GRID1: variants seen among roughly 807,000 people sequenced by gnomAD.
The protein encoded by GRID1 is glutamate receptor ionotropic, delta-1.
A neutral mutation model predicts 98.0 loss-of-function variants in GRID1; 28 were observed. The observed-to-expected ratio is 0.29, with a 90% confidence interval of 0.21 to 0.39. The LOEUF is 0.39. Among genes scored for constraint, GRID1 ranks in the 10% least tolerant of loss-of-function variants. GRID1 has a pLI of 1.00. For synonymous variants in GRID1, 553 were observed against 538.5 expected, an observed-to-expected ratio of 1.03 and a Z score of -0.37; for missense variants, 1,111 against 1,340.5, an observed-to-expected ratio of 0.83 and a Z score of 2.67.
intron 12 of GRID1, among the ~76,000 whole-genome samples, chr10:85,674,236 T>C (rs1034262169): frequency 2.0e-5 from 3 of 152,198 alleles, no homozygotes; most frequent in Admixed American, 2.0e-4. Flanking sequence ...AGCTGTGGGC[T>C]CATATGTTCT....
At chr10:86,356,549 C>T (rs1482403844) in intron 2 of GRID1, among the ~76,000 whole-genome samples, 1 of 152,226 alleles carries the variant, frequency 6.6e-6, no homozygotes. Context: ...CTCTCTTTCC[C>T]TCTGGCACAG....
At chr10:85,682,500 G>A (rs1229648592) in intron 12 of GRID1, among the ~76,000 whole-genome samples, 2 of 152,166 alleles carry the variant, frequency 1.3e-5, no homozygotes, top group African/African-American at 4.8e-5. Flanking sequence ...TCCCACCATA[G>A]ACAACTTTAC....
chr10:85,754,787 C>T (rs147237817), intron 8 of GRID1, among the ~76,000 whole-genome samples: 113 of 152,300 alleles, frequency 7.4e-4, no homozygotes, highest in African/African-American at 2.7e-3. Context: ...CCTCCCCTTG[C>T]AGACTGTGTG....
chr10:86,235,936 G>A (rs1846531143), intron 2 of GRID1, among the ~76,000 whole-genome samples: 1 of 152,222 alleles, frequency 6.6e-6, no homozygotes, highest in African/African-American at 2.4e-5. Flanking sequence ...ATGATATGGT[G>A]AAGTATATGT....
At chr10:86,058,609 C>A (rs1472100986) in intron 4 of GRID1, among the ~76,000 whole-genome samples, 1 of 152,178 alleles carries the variant, frequency 6.6e-6, no homozygotes, top group Non-Finnish European at 1.5e-5. Flanking sequence ...CAGATCTGTG[C>A]AAAATGACAG....
At chr10:85,828,476 A>C (rs1842839509) in intron 8 of GRID1, among the ~76,000 whole-genome samples, 1 of 152,148 alleles carries the variant, frequency 6.6e-6, no homozygotes, top group African/African-American at 2.4e-5. Context: ...AGATGTGAAA[A>C]ACCATACAGA....
chr10:85,704,919 A>G (rs1200290392), intron 12 of GRID1, among the ~76,000 whole-genome samples: 1 of 152,238 alleles, frequency 6.6e-6, no homozygotes, highest in African/African-American at 2.4e-5. Flanking sequence ...CTTTGAAACC[A>G]GTGAGAACAA....
intron 5 of GRID1, among the ~76,000 whole-genome samples, chr10:85,884,995 T>C (rs938611785): frequency 2.6e-5 from 4 of 152,184 alleles, no homozygotes; most frequent in African/African-American, 9.6e-5. Flanking sequence ...TATTGCCTTA[T>C]ACCATACTTA....
chr10:85,627,336 C>T (rs1282496647), intron 13 of GRID1, among the ~76,000 whole-genome samples: 1 of 152,162 alleles, frequency 6.6e-6, no homozygotes, highest in Admixed American at 6.5e-5. Flanking sequence ...GATTAAATTC[C>T]TCAATATGTG....
At chr10:85,718,649 A>G (rs1455542452) in intron 12 of GRID1, among the ~76,000 whole-genome samples, 1 of 152,136 alleles carries the variant, frequency 6.6e-6, no homozygotes, top group Non-Finnish European at 1.5e-5. Flanking sequence ...CCATGGTGGG[A>G]GCATTTGGGA....
At chr10:85,625,103 T>C (rs1007911761) in intron 13 of GRID1, among the ~76,000 whole-genome samples, 1 of 152,254 alleles carries the variant, frequency 6.6e-6, no homozygotes, top group Non-Finnish European at 1.5e-5. Flanking sequence ...TGTGTGTACA[T>C]GTGAAATGTA....
intron 4 of GRID1, among the ~76,000 whole-genome samples, chr10:86,089,229 G>T (rs114308526): frequency 2.9e-4 from 44 of 152,298 alleles, no homozygotes; most frequent in African/African-American, 1.1e-3. Context: ...GGCCATCTGG[G>T]GAGCAGTAAC....
chr10:86,240,083 T>C (rs1846603085), intron 2 of GRID1, among the ~76,000 whole-genome samples: 1 of 152,168 alleles, frequency 6.6e-6, no homozygotes, highest in Admixed American at 6.5e-5. Flanking sequence ...TGCCAACACA[T>C]TGATCTTATA....
At chr10:86,172,403 C>T (rs1375408671) in intron 3 of GRID1, among the ~76,000 whole-genome samples, 3 of 152,130 alleles carry the variant, frequency 2.0e-5, no homozygotes, top group African/African-American at 4.8e-5. Context: ...CATGCATACA[C>T]CTACTTTATC....
intron 8 of GRID1, among the ~76,000 whole-genome samples, chr10:85,843,897 C>T (rs1364164377): frequency 6.6e-6 from 1 of 151,960 alleles, no homozygotes; most frequent in Admixed American, 6.6e-5. Flanking sequence ...TAACACTACA[C>T]ATGTAATTAC....
At chr10:85,936,115 T>A (rs996302982) in intron 4 of GRID1, among the ~76,000 whole-genome samples, 1 of 152,198 alleles carries the variant, frequency 6.6e-6, no homozygotes, top group Non-Finnish European at 1.5e-5. Flanking sequence ...TGGGACCACA[T>A]ATTAGGATAC....
At chr10:85,777,144 C>T (rs1842339135) in intron 8 of GRID1, among the ~76,000 whole-genome samples, 1 of 152,196 alleles carries the variant, frequency 6.6e-6, no homozygotes, top group South Asian at 2.1e-4. Flanking sequence ...GCACCTTCTC[C>T]TCTGGCCTAC....
intron 3 of GRID1, among the ~76,000 whole-genome samples, chr10:86,145,276 G>A (rs886831674): frequency 3.3e-5 from 5 of 152,266 alleles, no homozygotes; most frequent in African/African-American, 1.2e-4. Context: ...AGGCTGGAAT[G>A]CAGTGGCATG....
intron 9 of GRID1, 93 bp downstream of exon 9, chr10:85,729,420 C>T (rs756596738): frequency 3.3e-4 from 230 of 697,002 alleles, no homozygotes; most frequent in Non-Finnish European, 5.3e-4. Context: ...TCAAGATTCT[C>T]TTCTCCCCAA....
Sources: allele counts gnomAD v4.1 joint callset (sites outside exome capture counted in the v4.1 genomes callset), GRCh38; gene constraint gnomAD v4.1.1; transcripts MANE v1.5; gene names NCBI Gene and HGNC (gene_info 2026-07-23, HGNC 2026-07-21).